Variants in HTR1F observed in about 807,000 individuals in gnomAD.
The protein encoded by HTR1F is 5-hydroxytryptamine receptor 1F, also known as 5-hydroxytryptamine (serotonin) receptor 1F, G protein-coupled.
Under a neutral mutation model 24.0 loss-of-function variants are expected in HTR1F, and 17 were observed. The observed-to-expected ratio is 0.71, with a 90% CI of 0.48 to 1.06. The LOEUF (loss-of-function observed/expected upper bound fraction) is 1.06, where lower values mean the gene tolerates loss of function less well. Among genes scored for constraint, HTR1F ranks in the 50% least tolerant of loss-of-function variants. The pLI, the probability that HTR1F is intolerant of heterozygous loss-of-function variation, is 0.00. For synonymous variants in HTR1F, 186 were observed against 156.8 expected (o/e 1.19, Z -1.39); for missense variants, 391 against 427.8 (o/e 0.91, Z 0.76).
At chr3:87,949,015 G>C (rs190561396) in intron 2 of HTR1F, among the ~76,000 whole-genome samples, 2 of 152,004 alleles carry the variant, frequency 1.3e-5, no homozygotes, top group African/African-American at 4.8e-5. Flanking sequence ...ACCAAATTGT[G>C]TATCTATTTA....
At chr3:87,985,194 G>C (rs1705635866) in intron 2 of HTR1F, among the ~76,000 whole-genome samples, 1 of 152,074 alleles carries the variant, frequency 6.6e-6, no homozygotes, top group Admixed American at 6.6e-5. Context: ...AATTAGCTGG[G>C]TGTGGTGGCG....
At chr3:87,905,250 C>T (rs1703635881) in intron 2 of HTR1F, among the ~76,000 whole-genome samples, 1 of 151,744 alleles carries the variant, frequency 6.6e-6, no homozygotes, top group Non-Finnish European at 1.5e-5. Context: ...TTCAAGGCTG[C>T]AGTGAGCTAT....
intron 2 of HTR1F, among the ~76,000 whole-genome samples, chr3:87,844,039 A>G: frequency 6.7e-6 from 1 of 149,280 alleles, no homozygotes; most frequent in Non-Finnish European, 1.5e-5. Context: ...TTGGGTATAT[A>G]CCCAGTAATG....
At chr3:87,987,537 C>G (rs1382852304) in intron 2 of HTR1F, among the ~76,000 whole-genome samples, 1 of 149,614 alleles carries the variant, frequency 6.7e-6, no homozygotes, top group East Asian at 2.0e-4. Flanking sequence ...AGAATAGAAA[C>G]AATATGAGAG....
At chr3:87,865,822 C>A (rs1575962834) in intron 2 of HTR1F, among the ~76,000 whole-genome samples, 1 of 152,190 alleles carries the variant, frequency 6.6e-6, no homozygotes, top group East Asian at 1.9e-4. Context: ...CATTCTGGTG[C>A]ATGCCTCTTA....
At chr3:87,888,120 C>T (rs566273097) in intron 2 of HTR1F, among the ~76,000 whole-genome samples, 1 of 152,214 alleles carries the variant, frequency 6.6e-6, no homozygotes, top group East Asian at 1.9e-4. Context: ...ATATATACAC[C>T]ATGGAATACT....
In HTR1F at chr3:87,968,195, T is replaced by C. The variant is rs1705207562; in HGVS notation, c.-42-22513T>C. 2.6e-5 allele frequency among the ~76,000 whole-genome samples: 4 copies of C among 152,188 alleles called. No homozygotes were observed. In the South Asian group the frequency reaches 8.3e-4, roughly 32 times the overall value. ...AATTTTGAACCTGAGAGAGATGATTTAGGGCATCTAGCAGAAGAAATTTTT... is the reference window on the plus strand; with the variant it reads ...AATTTTGAACCTGAGAGAGATGATTCAGGGCATCTAGCAGAAGAAATTTTT... On this transcript the variant is annotated intron_variant, in intron 2 of 2. Coordinates refer to ENST00000319595, the MANE Select transcript of HTR1F (RefSeq NM_001322209.2).
chr3:87,839,633 T>G (rs1314602056), intron 2 of HTR1F, among the ~76,000 whole-genome samples: 1 of 152,154 alleles, frequency 6.6e-6, no homozygotes, highest in African/African-American at 2.4e-5. Context: ...TAACTTTTAT[T>G]TTAGAATCAG....
chr3:87,838,905 T>C (rs1704738288), intron 2 of HTR1F, among the ~76,000 whole-genome samples: 1 of 151,960 alleles, frequency 6.6e-6, no homozygotes, highest in Non-Finnish European at 1.5e-5. Context: ...GTTTCTTGTA[T>C]ACTTTTGATA....
intron 2 of HTR1F, among the ~76,000 whole-genome samples, chr3:87,847,244 TTAATC>T (rs1285843064): frequency 1.3e-5 from 2 of 151,866 alleles, no homozygotes; most frequent in Non-Finnish European, 2.9e-5. Context: ...GAGAGGCACT[TTAATC>T]TTATATTTTT....
chr3:87,859,026 T>A (rs1705259650), intron 2 of HTR1F, among the ~76,000 whole-genome samples: 1 of 152,106 alleles, frequency 6.6e-6, no homozygotes, highest in African/African-American at 2.4e-5. Context: ...TGAAACCCTG[T>A]CTCTACTAAA....
At chr3:87,956,658 T>C (rs1309109861) in intron 2 of HTR1F, among the ~76,000 whole-genome samples, 1 of 151,364 alleles carries the variant, frequency 6.6e-6, no homozygotes, top group African/African-American at 2.4e-5. Flanking sequence ...TAAATTTCTC[T>C]CAACCATGTT....
intron 2 of HTR1F, among the ~76,000 whole-genome samples, chr3:87,972,551 C>T (rs1420680962): frequency 6.6e-6 from 1 of 152,152 alleles, no homozygotes; most frequent in Non-Finnish European, 1.5e-5. Context: ...CTAGACAACT[C>T]CATGTGGGCT....
intron 2 of HTR1F, among the ~76,000 whole-genome samples, chr3:87,980,093 C>T (rs938210823): frequency 6.6e-6 from 1 of 152,224 alleles, no homozygotes; most frequent in South Asian, 2.1e-4. Flanking sequence ...TGTGTTACAG[C>T]TCTTTCAGTT....
At chr3:87,833,875 G>A (rs1704632183) in intron 2 of HTR1F, among the ~76,000 whole-genome samples, 2 of 152,034 alleles carry the variant, frequency 1.3e-5, no homozygotes, top group Admixed American at 1.3e-4. Context: ...AAGATTCTTA[G>A]CTTTTTACTC....
At chr3:87,874,662 GA>G (rs573200975) in intron 2 of HTR1F, among the ~76,000 whole-genome samples, 3 of 150,914 alleles carry the variant, frequency 2.0e-5, no homozygotes, top group Admixed American at 6.6e-5. Context: ...AATTAATATG[GA>G]ATCTCAAAGG....
intron 2 of HTR1F, among the ~76,000 whole-genome samples, chr3:87,972,703 C>T (rs1451516842): frequency 2.6e-5 from 4 of 152,112 alleles, no homozygotes; most frequent in Non-Finnish European, 4.4e-5. Context: ...AGTTGCCCAT[C>T]GAGTAACAGA....
chr3:87,857,728 G>A lies in HTR1F; in HGVS notation c.-43+35604G>A, dbSNP rs146843992. Among the ~76,000 whole-genome samples the A allele has an allele frequency of 1.7e-4, 26 of 152,182 alleles. 1 individual carries two copies. In the East Asian group the frequency reaches 4.8e-3, roughly 28 times the overall value. ...TACATTTGTTACAACTGATGAACTT[G>A]CATTGACACATCACTACCCAGAGTC... On this transcript the variant is annotated intron_variant, in intron 2 of 2. Transcript: ENST00000319595.
chr3:87,874,927 T>G (rs1044652717), intron 2 of HTR1F, among the ~76,000 whole-genome samples: 1 of 152,064 alleles, frequency 6.6e-6, no homozygotes, highest in African/African-American at 2.4e-5. Context: ...AAACTGAATA[T>G]CCACATGAAA....
Sources: allele counts gnomAD v4.1 joint callset (sites outside exome capture counted in the v4.1 genomes callset), GRCh38; gene constraint gnomAD v4.1.1; transcripts MANE v1.5; gene names NCBI Gene and HGNC (gene_info 2026-07-23, HGNC 2026-07-21).